Variants in SEMA3A observed in about 807,000 individuals in gnomAD.
SEMA3A encodes the protein semaphorin 3A.
A neutral mutation model predicts 97.9 loss-of-function variants in SEMA3A; 29 were observed. That is an observed-to-expected ratio of 0.30 (90% CI 0.22 to 0.40). The LOEUF (loss-of-function observed/expected upper bound fraction) is 0.40, where lower values mean the gene tolerates loss of function less well. Ranked by LOEUF, SEMA3A falls within the 10% of genes least tolerant of loss-of-function variation. The pLI is 1.00. For synonymous variants in SEMA3A, 321 were observed against 323.7 expected (o/e 0.99, Z 0.09); for missense variants, 763 against 951.3 (o/e 0.80, Z 2.60).
At chr7:84,476,219 G>A (rs1219984407) in intron 1 of SEMA3A, among the ~76,000 whole-genome samples, 5 of 151,842 alleles carry the variant, frequency 3.3e-5, no homozygotes, top group Non-Finnish European at 7.4e-5. Context: ...TTAGTCAGGC[G>A]TGGTGGCGTG....
intron 2 of SEMA3A, among the ~76,000 whole-genome samples, chr7:84,335,610 A>G (rs1470803079): frequency 6.6e-6 from 1 of 152,122 alleles, no homozygotes; most frequent in Non-Finnish European, 1.5e-5. Context: ...AATGATAGAC[A>G]TTTATGAACT....
intron 1 of SEMA3A, among the ~76,000 whole-genome samples, chr7:84,167,926 G>A (rs555269452): frequency 1.3e-3 from 193 of 152,208 alleles, no homozygotes; most frequent in Non-Finnish European, 2.0e-3. Flanking sequence ...TGGCAGTATC[G>A]AAGTGGATCA....
At chr7:84,051,746 T>C (rs1479264445) in intron 5 of SEMA3A, among the ~76,000 whole-genome samples, 3 of 152,088 alleles carry the variant, frequency 2.0e-5, no homozygotes, top group Non-Finnish European at 4.4e-5. Flanking sequence ...TCCAACACTA[T>C]GTTGAATAGG....
intron 1 of SEMA3A, among the ~76,000 whole-genome samples, chr7:84,138,999 T>C (rs1449321923): frequency 6.6e-6 from 1 of 152,128 alleles, no homozygotes; most frequent in African/African-American, 2.4e-5. Flanking sequence ...TTGATTTTCC[T>C]AGATGTAGAG....
In SEMA3A at chr7:84,010,707, C is replaced by T. The variant is rs1348730752; in HGVS notation, c.995+315G>A. On this transcript the variant is annotated intron_variant, in intron 9 of 16. Coordinates refer to ENST00000265362, the MANE Select transcript of SEMA3A (RefSeq NM_006080.3). The stretch of plus-strand genomic sequence containing the variant: ...CTACAAACTCTTCCCAAAACTCAGA[C>T]TTCCATCTGTATAATATTTTACATT... 2.8e-5 allele frequency among the ~76,000 whole-genome samples: 4 copies of T among 144,998 alleles called. No homozygotes were observed. The Admixed American group carries it at 2.8e-4, about 10-fold the overall frequency.
At chr7:84,091,509 T>C (rs1304680392) in intron 4 of SEMA3A, among the ~76,000 whole-genome samples, 3 of 152,030 alleles carry the variant, frequency 2.0e-5, no homozygotes, top group South Asian at 4.2e-4. Context: ...GTTAAGAATG[T>C]GGGTGGAGAT....
At chr7:84,135,201 C>G (rs1245387672) in intron 1 of SEMA3A, among the ~76,000 whole-genome samples, 3 of 151,246 alleles carry the variant, frequency 2.0e-5, no homozygotes, top group African/African-American at 7.3e-5. Context: ...ACCACAACCT[C>G]CCGAGTTCAA....
intron 1 of SEMA3A, among the ~76,000 whole-genome samples, chr7:84,373,032 C>T (rs1311553623): frequency 6.6e-6 from 1 of 152,184 alleles, no homozygotes; most frequent in Non-Finnish European, 1.5e-5. Flanking sequence ...GCTCTCTTGT[C>T]CTTTTGCCGT....
chr7:84,228,165 G>C (rs1799034300), intron 3 of SEMA3A, among the ~76,000 whole-genome samples: 1 of 151,946 alleles, frequency 6.6e-6, no homozygotes, highest in Admixed American at 6.6e-5. Context: ...AGGATGAGAT[G>C]GTTGGGCCTG....
intron 1 of SEMA3A, among the ~76,000 whole-genome samples, chr7:84,484,563 A>ACACG (rs1806527845): frequency 6.6e-6 from 1 of 152,200 alleles, no homozygotes; most frequent in Admixed American, 6.5e-5. Context: ...ACACACACAC[A>ACACG]CACACACAGA....
chr7:84,460,614 C>G (rs1426508075), intron 1 of SEMA3A, among the ~76,000 whole-genome samples: 1 of 152,032 alleles, frequency 6.6e-6, no homozygotes, highest in African/African-American at 2.4e-5. Flanking sequence ...TTGTACAGTT[C>G]CCAGTCCACT....
At chr7:84,351,265 T>C (rs1252833575) in intron 2 of SEMA3A, among the ~76,000 whole-genome samples, 4 of 152,114 alleles carry the variant, frequency 2.6e-5, no homozygotes, top group Non-Finnish European at 5.9e-5. Flanking sequence ...CTTTTCCTCA[T>C]TTACAGGTGG....
intron 1 of SEMA3A, among the ~76,000 whole-genome samples, chr7:84,142,647 C>A (rs185496268): frequency 1.3e-5 from 2 of 152,264 alleles, no homozygotes; most frequent in Admixed American, 1.3e-4. Context: ...ACAGCTCTTG[C>A]ATATTTATAT....
chr7:84,424,506 A>ATAATATG (rs1333076333), intron 1 of SEMA3A, among the ~76,000 whole-genome samples: 1 of 88,168 alleles, frequency 1.1e-5, no homozygotes, highest in Non-Finnish European at 2.0e-5. Flanking sequence ...TATATAATAT[A>ATAATATG]TAAATATTAA....
intron 1 of SEMA3A, among the ~76,000 whole-genome samples, chr7:84,174,525 AC>A (rs1347939990): frequency 6.6e-6 from 1 of 152,238 alleles, no homozygotes; most frequent in Non-Finnish European, 1.5e-5. Context: ...TACTGAAACA[AC>A]TTACGCATCC....
chr7:84,235,445 G>T (rs1215003574), intron 3 of SEMA3A, among the ~76,000 whole-genome samples: 1 of 151,790 alleles, frequency 6.6e-6, no homozygotes, highest in Admixed American at 6.6e-5. Context: ...TTCTGGTATT[G>T]AAATTTTGAT....
chr7:84,022,983 A>G (rs1735688282), intron 6 of SEMA3A, among the ~76,000 whole-genome samples: 1 of 151,526 alleles, frequency 6.6e-6, no homozygotes, highest in Non-Finnish European at 1.5e-5. Context: ...TAAATACACC[A>G]CTCTTCTCTC....
intron 2 of SEMA3A, among the ~76,000 whole-genome samples, chr7:84,332,011 T>C (rs529186465): frequency 6.6e-6 from 1 of 152,306 alleles, no homozygotes; most frequent in South Asian, 2.1e-4. Flanking sequence ...TCCTGACTCC[T>C]GGTCATTTCT....
At chr7:84,395,291 C>A (rs1803696422) in intron 1 of SEMA3A, among the ~76,000 whole-genome samples, 1 of 151,714 alleles carries the variant, frequency 6.6e-6, no homozygotes, top group African/African-American at 2.4e-5. Context: ...AATGCAAAAT[C>A]TACACTAAAA....
Sources: allele counts gnomAD v4.1 joint callset (sites outside exome capture counted in the v4.1 genomes callset), GRCh38; gene constraint gnomAD v4.1.1; transcripts MANE v1.5; gene names NCBI Gene and HGNC (gene_info 2026-07-23, HGNC 2026-07-21).